PHLDB2: variants seen among roughly 807,000 people sequenced by gnomAD.
The protein encoded by PHLDB2 is pleckstrin homology-like domain family B member 2.
A neutral mutation model predicts 123.6 loss-of-function variants in PHLDB2; 71 were observed. The ratio of observed to expected loss-of-function variants is 0.57; its 90% CI spans 0.47 to 0.70. The LOEUF (loss-of-function observed/expected upper bound fraction) is 0.70, where lower values mean the gene tolerates loss of function less well. Ranked by LOEUF, PHLDB2 falls within the 30% of genes least tolerant of loss-of-function variation. The probability of loss-of-function intolerance (pLI) is 0.00; values close to 1 mark genes in which losing one functional copy is unlikely to be tolerated. For synonymous variants in PHLDB2, 547 were observed against 541.6 expected (o/e 1.01, Z -0.14); for missense variants, 1,446 against 1,519.5 (o/e 0.95, Z 0.80).
chr3:111,780,271 A>AGAAAG lies in PHLDB2; in HGVS notation c.-49+47568_-49+47569insGAAAG, dbSNP rs34178824. 5.1e-4 allele frequency among the ~76,000 whole-genome samples: 4 copies of AGAAAG among 7,788 alleles called. 1 individual carries two copies. Among genetic ancestry groups the AGAAAG allele is most frequent in the African/African-American group, 1.6e-3 (4 of 2,446 alleles). 5.1% of individuals were successfully genotyped at this position (7,788 alleles called of 152,430 possible). A position where few individuals can be genotyped will look rare whatever the true frequency, so the allele number is the denominator to read the frequency against. On this transcript the variant is annotated intron_variant, in intron 1 of 17. Coordinates refer to the PHLDB2 transcript ENST00000393923. ...CTCCTGATTTAAAAGAAGAAGAAGA[A>AGAAAG]AAGAAGAAGAAGAAGAAGAAGAAGA...
intron 1 of PHLDB2, among the ~76,000 whole-genome samples, chr3:111,745,757 GA>G (rs989396131): frequency 1.2e-3 from 183 of 150,078 alleles, no homozygotes; most frequent in African/African-American, 4.4e-3. Context: ...GCAAGACCTT[GA>G]AAACAAAAAC....
At chr3:111,893,866 C>T (rs2066640693) in intron 2 of PHLDB2, among the ~76,000 whole-genome samples, 1 of 135,022 alleles carries the variant, frequency 7.4e-6, no homozygotes, top group African/African-American at 2.8e-5. Flanking sequence ...TCTAAGTAAA[C>T]AGCACTATTT....
chr3:111,842,257 C>CT (rs1391220354), intron 1 of PHLDB2, among the ~76,000 whole-genome samples: 3 of 152,014 alleles, frequency 2.0e-5, no homozygotes, highest in African/African-American at 4.8e-5. Flanking sequence ...TAAGCTTCTG[C>CT]TTTTTTTTCT....
chr3:111,875,073 A>T (rs2065536294), intron 1 of PHLDB2, among the ~76,000 whole-genome samples: 1 of 152,184 alleles, frequency 6.6e-6, no homozygotes, highest in South Asian at 2.1e-4. Flanking sequence ...CATATGATTA[A>T]TGTTTTTGCC....
chr3:111,875,022 T>G (rs1327398802), intron 1 of PHLDB2, among the ~76,000 whole-genome samples: 1 of 152,202 alleles, frequency 6.6e-6, no homozygotes, highest in African/African-American at 2.4e-5. Flanking sequence ...ATATTTGATT[T>G]TGTAGTTTTT....
rs34542209 is a variant in PHLDB2, at chr3:111,949,054, G to A, written c.2610G>A (p.Ala870=). 6,883 of 1,613,614 alleles carry A rather than the reference G, an allele frequency of 4.3e-3. 265 individuals are homozygous for A. In the African/African-American group the frequency reaches 0.079, roughly 19 times the overall value. The part of the protein sequence containing the change: ...VATEPATAVL[A]SQPQSKEHFR... ...CTGAGCCTGCCACAGCTGTGCTGGC[G>A]AGCCAGCCACAGAGTAAAGAGGTGT... Residue 870 remains alanine (A), a synonymous_variant, in exon 10 of 18, where the codon GCG becomes GCA. Coordinates refer to ENST00000431670, the MANE Select transcript of PHLDB2 (RefSeq NM_001134438.2).
chr3:111,934,945 AT>A (rs2107581387), intron 6 of PHLDB2, among the ~76,000 whole-genome samples: 1 of 152,320 alleles, frequency 6.6e-6, no homozygotes, highest in South Asian at 2.1e-4. Flanking sequence ...AATTGTAGAT[AT>A]CACTGGATAA....
rs187752532 is a variant in PHLDB2 at position 111,756,956 on chromosome 3, T to G, written c.-49+24253T>G. ...ATTCTGGGTTGAAAATTCTTTTCTT[T>G]AAGAATGTTGAATATTGGCCCCCAC... On this transcript the variant is annotated intron_variant, in intron 1 of 17. Coordinates refer to the PHLDB2 transcript ENST00000393923. Among the ~76,000 whole-genome samples the G allele has an allele frequency of 3.5e-3, 534 of 152,318 alleles. 10 individuals are homozygous for G. Among genetic ancestry groups the G allele is most frequent in the Non-Finnish European group, 7.8e-4 (53 of 68,036 alleles).
chr3:111,748,687 A>G (rs2059720946), intron 1 of PHLDB2, among the ~76,000 whole-genome samples: 1 of 151,918 alleles, frequency 6.6e-6, no homozygotes, highest in Admixed American at 6.6e-5. Context: ...ATACCCGGCT[A>G]ATTTTTGTAT....
At chr3:111,929,792 A>C (rs748484207) in intron 5 of PHLDB2, among the ~76,000 whole-genome samples, 4 of 152,168 alleles carry the variant, frequency 2.6e-5, no homozygotes, top group Non-Finnish European at 5.9e-5. Context: ...TTACTGATAA[A>C]CAGAGAAGCT....
chr3:111,859,037 A>T (rs1440731588), upstream of PHLDB2: 2 of 260,440 alleles, frequency 7.7e-6, no homozygotes, highest in Non-Finnish European at 1.2e-5. Context: ...TGAGTTTAAA[A>T]CCCTCCTGAC....
At chr3:111,812,524 G>A (rs2061886779) in intron 1 of PHLDB2, among the ~76,000 whole-genome samples, 1 of 152,208 alleles carries the variant, frequency 6.6e-6, no homozygotes, top group African/African-American at 2.4e-5. Context: ...AGTGAATGAG[G>A]AGGAATTAAT....
At chr3:111,960,102 T>A (rs886337278) in intron 12 of PHLDB2, 1 of 708,894 alleles carries the variant, frequency 1.4e-6, no homozygotes, top group East Asian at 1.3e-4. Flanking sequence ...TTCTGTTGTT[T>A]TTTTGTCATT....
intron 1 of PHLDB2, among the ~76,000 whole-genome samples, chr3:111,860,395 C>T (rs1407782574): frequency 1.3e-5 from 2 of 152,234 alleles, no homozygotes. Context: ...TCTCGGCACC[C>T]CTAGAGATAG....
At chr3:111,841,202 C>T (rs1345668647) in intron 1 of PHLDB2, among the ~76,000 whole-genome samples, 2 of 152,088 alleles carry the variant, frequency 1.3e-5, no homozygotes, top group Non-Finnish European at 2.9e-5. Flanking sequence ...CAGGTTAAAG[C>T]GATTCTCATC....
At chr3:111,902,636 A>G (rs1206540772) in intron 2 of PHLDB2, among the ~76,000 whole-genome samples, 2 of 152,020 alleles carry the variant, frequency 1.3e-5, no homozygotes, top group African/African-American at 2.4e-5. Context: ...GTAAATATTT[A>G]TTCAGTTTTT....
At chr3:111,756,883 T>C (rs950060161) in intron 1 of PHLDB2, among the ~76,000 whole-genome samples, 33 of 151,394 alleles carry the variant, frequency 2.2e-4, no homozygotes, top group Non-Finnish European at 4.4e-4. Context: ...GTCTGTAAAG[T>C]ATTTTATTTC....
At chr3:111,928,398 G>A (rs2068928685) in intron 5 of PHLDB2, among the ~76,000 whole-genome samples, 1 of 152,136 alleles carries the variant, frequency 6.6e-6, no homozygotes, top group Non-Finnish European at 1.5e-5. Flanking sequence ...GTCTCAACCT[G>A]GCTGCATATC....
chr3:111,929,457 G>A (rs907605640), intron 5 of PHLDB2, among the ~76,000 whole-genome samples: 18 of 152,158 alleles, frequency 1.2e-4, no homozygotes, highest in African/African-American at 4.3e-4. Flanking sequence ...TAAAAAGCAA[G>A]AATCCCTAAA....
Sources: allele counts gnomAD v4.1 joint callset (sites outside exome capture counted in the v4.1 genomes callset), GRCh38; gene constraint gnomAD v4.1.1; transcripts MANE v1.5; gene names NCBI Gene and HGNC (gene_info 2026-07-23, HGNC 2026-07-21).